EML3: variants seen among roughly 807,000 people sequenced by gnomAD.
EML3 encodes the protein echinoderm microtubule-associated protein-like 3.
In EML3, 53 loss-of-function variants were observed where a neutral mutation model predicts 106.7. The ratio of observed to expected loss-of-function variants is 0.50; its 90% confidence interval spans 0.40 to 0.62. The LOEUF is 0.62. Among genes scored for constraint, EML3 ranks in the 20% least tolerant of loss-of-function variants. The probability of loss-of-function intolerance (pLI) is 0.00; values close to 1 mark genes in which losing one functional copy is unlikely to be tolerated. For missense variants in EML3, 994 were observed against 1,209.1 expected (o/e 0.82, Z 2.64); for synonymous variants, 499 against 489.6 (o/e 1.02, Z -0.25).
At chr11:62,611,767 C>T (rs924521209) in intron 1 of EML3, 171 bp from the exon 2 acceptor site, 30 of 740,388 alleles carry the variant, frequency 4.1e-5, no homozygotes, top group Non-Finnish European at 5.5e-5. Context: ...GGATCAAGGG[C>T]CTCCTTCTGG....
In EML3 at chr11:62,611,188, G is replaced by A. The variant is rs12808829; in HGVS notation, c.351C>T (p.Ser117=). The A allele has an allele frequency of 0.33, 530,939 of 1,607,188 alleles. 92,994 individuals carry two copies. The highest frequency in any genetic ancestry group is 0.37 in the Non-Finnish European group (433,023 of 1,179,014). ...PAPQGASEEP[S]GTQSEGGGSS... ...TGCCCCCTCCTTCAGATTGGGTCCC[G>A]CTAGGCTCTTCGCTGGCCCCCTGAG... The change falls in exon 3 of 22, where the codon AGC becomes AGT. Residue 117 remains serine, a synonymous_variant. Coordinates refer to ENST00000394773, the MANE Select transcript of EML3 (RefSeq NM_153265.3).
chr11:62,609,048 C>A lies in EML3; in HGVS notation c.843G>T (p.Val281=). The A allele has an allele frequency of 6.2e-7, 1 of 1,614,056 alleles. No individual in the cohort carries two copies. The highest frequency in any genetic ancestry group is 8.5e-7 in the Non-Finnish European group (1 of 1,180,032). ...GGCCTCCTCCAGGCCGGTACAGCACCACCACACAGGCGATAAAGTAGACCA... is the reference window on the plus strand; with the variant it reads ...GGCCTCCTCCAGGCCGGTACAGCACAACCACACAGGCGATAAAGTAGACCA... ...GEVVYFIACV[V]VLYRPGGGPG... is the part of the protein sequence containing the mutation. Residue 281 remains valine, a synonymous_variant, in exon 7 of 22, where the codon GTG becomes GTT. Coordinates refer to ENST00000394773, the MANE Select transcript of EML3 (RefSeq NM_153265.3).
At position 62,608,719 on chromosome 11, in the gene EML3, C is replaced by T; in HGVS notation, c.999+17G>A. ...GCAATTCCAGCATGTCTGCCTGCTC[C>T]CTGACTTTGGCCTTACCTTTCCATC... On this transcript the variant is annotated intron_variant, in intron 8 of 21. Transcript: ENST00000394773. 6.2e-7 allele frequency: 1 copy of T among 1,613,274 alleles called. No homozygotes were observed. Among genetic ancestry groups the T allele is most frequent in the Non-Finnish European group, 8.5e-7 (1 of 1,179,444 alleles).
intron 1 of EML3, chr11:62,612,229 G>T (rs958338312): frequency 1.9e-6 from 1 of 530,734 alleles, no homozygotes; most frequent in South Asian, 2.4e-5. Flanking sequence ...AGTTACGTGG[G>T]GCGTAGAATG....
intron 16 of EML3, 196 bp downstream of exon 16, chr11:62,604,917 G>T (rs1449902456): frequency 2.2e-6 from 1 of 445,196 alleles, no homozygotes. Flanking sequence ...ACACTGGGTT[G>T]GGGGAGGGGG....
chr11:62,602,958 T>G, intron 20 of EML3, 69 bp from the exon 21 acceptor site: 2 of 1,474,572 alleles, frequency 1.4e-6, no homozygotes, highest in South Asian at 2.7e-5. Flanking sequence ...CTACACCATT[T>G]CAGGCGCTCC....
Position 62,608,296 on chromosome 11 carries a change from C to A in EML3, c.1111G>T (p.Asp371Tyr), listed in dbSNP as rs767421895. ...GVGALAFSAA[D>Y]QGAFLCVVDD... ...ACCACACAAAGAAAGGCACCCTGAT[C>A]CTGAAGAAGGGTGACACATAGGAGG... Residue 371 changes from aspartate (D) to tyrosine (Y), a missense_variant and splice_region_variant, in exon 10 of 22, where the codon GAT (aspartate) becomes TAT (tyrosine). Asp to Tyr is a radical substitution (Grantham distance 160). Coordinates refer to ENST00000394773, the MANE Select transcript of EML3 (RefSeq NM_153265.3). The A allele has an allele frequency of 6.2e-7, 1 of 1,613,502 alleles. No homozygotes were observed. The highest frequency in any genetic ancestry group is 2.2e-5 in the East Asian group (1 of 44,880).
At position 62,606,186 on chromosome 11, in the gene EML3, G is replaced by A. The variant is rs150541468; in HGVS notation, c.1533C>T (p.His511=). ...AGGCGAAGATAGAACCTTCATGAGC[G>A]TGAGCCTGGGCCACAATCCCATAGG... is the stretch of plus-strand genomic sequence containing the variant. ...KETYGIVAQA[H]AHEGSIFALC... Residue 511 remains histidine, a synonymous_variant, in exon 13 of 22, where the codon CAC becomes CAT. Transcript: ENST00000394773. 36 of 1,613,968 alleles carry A rather than the reference G, an allele frequency of 2.2e-5. No homozygotes were observed. The East Asian group carries it at 6.5e-4, about 29-fold the overall frequency.
rs774835652 is a variant in EML3, at chr11:62,607,693, G to A, written c.1335C>T (p.Thr445=). Residue 445 remains threonine (T), a synonymous_variant, in exon 11 of 22, where the codon ACC becomes ACT. Transcript: ENST00000394773. ...CAAAGACACCCTGTTTCCGGGTAAG[G>A]GTCCCATTCCCAGGAACCCCTACTC... is the stretch of plus-strand genomic sequence containing the variant. The part of the protein sequence containing the change: ...SGGVGVPGNG[T]LTRKQGVFGK... 6.1e-5 allele frequency: 99 copies of A among 1,613,784 alleles called. No homozygotes were observed. In the East Asian group the frequency reaches 2.2e-3, roughly 36 times the overall value.
chr11:62,605,442 C>G lies in EML3; in HGVS notation c.1914+200G>C, dbSNP rs1942459523. Among the ~76,000 whole-genome samples the G allele has an allele frequency of 6.6e-6, 1 of 152,154 alleles. No individual in the cohort carries two copies. The highest frequency in any genetic ancestry group is 2.1e-4 in the South Asian group (1 of 4,838). On this transcript the variant is annotated intron_variant, in intron 15 of 21. Coordinates refer to ENST00000394773, the MANE Select transcript of EML3 (RefSeq NM_153265.3). The surrounding 1 kb of genome is among the most constrained non-coding windows in gnomAD (Gnocchi z 5.2). ...GAAGTCTGAGGGGTTCTGGGGGCGG[C>G]AGGGAGTGCCCAGGTGGTACTAGAA...
intron 21 of EML3, 26 bp downstream of exon 21, chr11:62,602,733 C>T (rs1316160423): frequency 2.5e-5 from 40 of 1,608,318 alleles, no homozygotes; most frequent in Non-Finnish European, 3.2e-5. Context: ...CCACCGGTCC[C>T]ACCCCGGCGA....
At chr11:62,606,872 A>AAG in intron 12 of EML3, 86 bp downstream of exon 12, 1 of 1,435,788 alleles carries the variant, frequency 7.0e-7, no homozygotes, top group Non-Finnish European at 9.3e-7. Context: ...AAAAAAAAAA[A>AAG]AAGATGGGAA....
Position 62,604,948 on chromosome 11 carries a change from A to G in EML3, c.1982+165T>C, listed in dbSNP as rs567294702. 39 of 521,482 alleles carry G rather than the reference A, an allele frequency of 7.5e-5. No homozygotes were observed. In the African/African-American group the frequency reaches 7.6e-4, roughly 10 times the overall value. 32.3% of individuals were successfully genotyped at this position (521,482 alleles called of 1,614,324 possible). A position where few individuals can be genotyped will look rare whatever the true frequency, so the allele number is the denominator to read the frequency against. On this transcript the variant is annotated intron_variant, in intron 16 of 21. Coordinates refer to ENST00000394773, the MANE Select transcript of EML3 (RefSeq NM_153265.3). ...GGGGGAGAAACAGTTACCACAGAAGAGGAGGGGAGCCCGGGTGGCAGGGGC... is the reference window on the plus strand; with the variant it reads ...GGGGGAGAAACAGTTACCACAGAAGGGGAGGGGAGCCCGGGTGGCAGGGGC...
chr11:62,602,552 C>G lies in EML3; in HGVS notation c.2614G>C (p.Ala872Pro). Residue 872 changes from alanine to proline, a missense_variant, in exon 22 of 22, where the codon GCT (alanine) becomes CCT (proline). Coordinates refer to ENST00000394773, the MANE Select transcript of EML3 (RefSeq NM_153265.3). Reference protein sequence around the residue: ...ASIFQWRVLGAGGAGPAPATP... With the variant: ...ASIFQWRVLGPGGAGPAPATP... The stretch of plus-strand genomic sequence containing the variant: ...GCGGGCGCCGGCCCCGCGCCCCCAG[C>G]GCCCAGCACTCGCCACTGGAAGATG... The G allele has an allele frequency of 1.3e-6, 2 of 1,497,264 alleles. No individual in the cohort carries two copies. The highest frequency in any genetic ancestry group is 1.8e-6 in the Non-Finnish European group (2 of 1,124,480). 92.7% of individuals were successfully genotyped at this position (1,497,264 alleles called of 1,614,324 possible).
At chr11:62,606,343 C>G in intron 12 of EML3, 129 bp from the exon 13 acceptor site, 1 of 1,050,734 alleles carries the variant, frequency 9.5e-7, no homozygotes, top group Middle Eastern at 2.1e-4. Context: ...GTCTCATCCT[C>G]ATACTGCCAA....
rs767223363 is a variant in EML3, at chr11:62,602,748, C to T, written c.2487+11G>A. On this transcript the variant is annotated intron_variant, in intron 21 of 21. Coordinates refer to ENST00000394773, the MANE Select transcript of EML3 (RefSeq NM_153265.3). Reference sequence around the variant, plus strand: ...CCACCGGTCCCACCCCGGCGATCCCCGCGGCCTCACCTTGGCACGAGCGCA... The same window carrying T: ...CCACCGGTCCCACCCCGGCGATCCCTGCGGCCTCACCTTGGCACGAGCGCA... 4 of 1,610,360 alleles carry T rather than the reference C, an allele frequency of 2.5e-6. No homozygotes were observed. The highest frequency in any genetic ancestry group is 1.7e-5 in the Admixed American group (1 of 59,870).
At chr11:62,612,307 A>G in intron 1 of EML3, 129 bp downstream of exon 1, 2 of 910,690 alleles carry the variant, frequency 2.2e-6, no homozygotes, top group East Asian at 3.1e-5. Context: ...GGAACTGTGG[A>G]GGATGCTCGG....
rs199862372 is a variant in EML3, at chr11:62,607,109, G to A, written c.1363-10C>T. Reference sequence around the variant, plus strand: ...TGGGTTTCTTGTATTTCTAGTGGGAGGGGAGAGCAGACAGTAGAGGTCAAA... The same window carrying A: ...TGGGTTTCTTGTATTTCTAGTGGGAAGGGAGAGCAGACAGTAGAGGTCAAA... On this transcript the variant is annotated splice_polypyrimidine_tract_variant and intron_variant, in intron 11 of 21. Coordinates refer to ENST00000394773, the MANE Select transcript of EML3 (RefSeq NM_153265.3). 3 of 1,613,208 alleles carry A rather than the reference G, an allele frequency of 1.9e-6. No homozygotes were observed. The highest frequency in any genetic ancestry group is 2.5e-6 in the Non-Finnish European group (3 of 1,179,690).
chr11:62,604,961 G>C (rs772833628), intron 16 of EML3, 152 bp downstream of exon 16: 1 of 577,276 alleles, frequency 1.7e-6, no homozygotes, highest in Non-Finnish European at 2.9e-6. Context: ...AGGGGAGCCC[G>C]GGTGGCAGGG....
Sources: allele counts gnomAD v4.1 joint callset (sites outside exome capture counted in the v4.1 genomes callset), GRCh38; gene constraint gnomAD v4.1.1; non-coding constraint Gnocchi (gnomAD v3.1); transcripts MANE v1.5; gene names NCBI Gene and HGNC (gene_info 2026-07-23, HGNC 2026-07-21).